Variants in WSCD2 observed in about 807,000 individuals in gnomAD.
WSCD2 encodes the protein WSC domain sialate O sulfotransferase 2.
Under a neutral mutation model 55.7 loss-of-function variants are expected in WSCD2, and 28 were observed. That is an observed-to-expected ratio of 0.50 (90% CI 0.37 to 0.69). The LOEUF (loss-of-function observed/expected upper bound fraction) is 0.69. Ranked by LOEUF, WSCD2 falls within the 30% of genes least tolerant of loss-of-function variation. WSCD2 has a pLI of 0.00. For missense variants in WSCD2, 616 were observed against 762.1 expected, an observed-to-expected ratio of 0.81 and a Z score of 2.26; for synonymous variants, 301 against 301.9, an observed-to-expected ratio of 1.00 and a Z score of 0.03.
chr12:108,155,995 C>T (rs1418274171), intron 1 of WSCD2, among the ~76,000 whole-genome samples: 1 of 152,194 alleles, frequency 6.6e-6, no homozygotes, highest in Non-Finnish European at 1.5e-5. Context: ...CACACACATA[C>T]CAACGAGCCA....
chr12:108,137,754 A>G (rs1876370651), intron 1 of WSCD2, among the ~76,000 whole-genome samples: 2 of 152,228 alleles, frequency 1.3e-5, no homozygotes, highest in Admixed American at 1.3e-4. Context: ...CATTGAATAC[A>G]GTATTTGATC....
intron 2 of WSCD2, among the ~76,000 whole-genome samples, chr12:108,199,175 G>A (rs1041934305): frequency 2.6e-5 from 4 of 152,190 alleles, no homozygotes; most frequent in Non-Finnish European, 4.4e-5. Context: ...AGAGTTTAGC[G>A]AGGAAAGACA....
intron 1 of WSCD2, among the ~76,000 whole-genome samples, chr12:108,190,434 G>A (rs939917343): frequency 6.6e-6 from 1 of 152,106 alleles, no homozygotes; most frequent in African/African-American, 2.4e-5. Flanking sequence ...TGCCCCCCAA[G>A]TCAGGTGCTG....
rs117434467 is a variant in WSCD2 at position 108,245,915 on chromosome 12, C to T, written c.1346-2076C>T. ...CAAACAGCTGTGATGTTCCAGGGGACTTGGTGGGGAAGGAGTCTTGCCACA... is the reference window on the plus strand; with the variant it reads ...CAAACAGCTGTGATGTTCCAGGGGATTTGGTGGGGAAGGAGTCTTGCCACA... On this transcript the variant is annotated intron_variant, in intron 8 of 8. Transcript: ENST00000547525. Among the ~76,000 whole-genome samples the T allele has an allele frequency of 2.4e-3, 371 of 152,320 alleles. 3 individuals carry two copies. In the East Asian group the frequency reaches 0.034, roughly 14 times the overall value.
At chr12:108,146,190 T>C (rs1438312456) in intron 1 of WSCD2, among the ~76,000 whole-genome samples, 1 of 152,254 alleles carries the variant, frequency 6.6e-6, no homozygotes, top group Non-Finnish European at 1.5e-5. Flanking sequence ...ATTGTGGTAA[T>C]GAAAAACATC....
At chr12:108,149,238 T>C (rs1476412557) in intron 1 of WSCD2, among the ~76,000 whole-genome samples, 1 of 152,204 alleles carries the variant, frequency 6.6e-6, no homozygotes, top group Admixed American at 6.5e-5. Flanking sequence ...GCAACAGATT[T>C]GCAGTCAAGC....
At chr12:108,242,728 T>C (rs1889850931) in intron 8 of WSCD2, among the ~76,000 whole-genome samples, 1 of 152,214 alleles carries the variant, frequency 6.6e-6, no homozygotes, top group Non-Finnish European at 1.5e-5. Flanking sequence ...CCCCTAGATA[T>C]TAAGCCCAGC....
At chr12:108,209,024 TG>T (rs1885788804) in intron 3 of WSCD2, among the ~76,000 whole-genome samples, 1 of 152,222 alleles carries the variant, frequency 6.6e-6, no homozygotes, top group Non-Finnish European at 1.5e-5. Context: ...GCCTCTTTTA[TG>T]GGTTTTCCTG....
intron 7 of WSCD2, 67 bp downstream of exon 7, chr12:108,232,962 G>T: frequency 6.4e-7 from 1 of 1,572,524 alleles, no homozygotes; most frequent in Admixed American, 1.7e-5. Flanking sequence ...CACTTGGAGG[G>T]TATGGGAATA....
intron 1 of WSCD2, among the ~76,000 whole-genome samples, chr12:108,136,153 G>C (rs750097353): frequency 2.6e-5 from 4 of 152,194 alleles, no homozygotes; most frequent in Admixed American, 1.3e-4. Context: ...TAACTCCAGA[G>C]ACTGTGAGCT....
At chr12:108,132,842 C>A (rs934147003) in intron 1 of WSCD2, among the ~76,000 whole-genome samples, 1 of 152,198 alleles carries the variant, frequency 6.6e-6, no homozygotes, top group Non-Finnish European at 1.5e-5. Context: ...GTGCTATGCA[C>A]TTACAGGCAT....
At chr12:108,246,931 T>C (rs117688435) in intron 8 of WSCD2, among the ~76,000 whole-genome samples, 2,122 of 152,244 alleles carry the variant, frequency 0.014, 26 homozygotes, top group Non-Finnish European at 0.025. Context: ...GAAGATGACC[T>C]GAAAACAGAA....
rs1270138917 is a variant in WSCD2, at chr12:108,200,248, T to C, written c.382+4034T>C. On this transcript the variant is annotated intron_variant, in intron 2 of 8. Coordinates refer to ENST00000547525, the MANE Select transcript of WSCD2 (RefSeq NM_014653.4). ...CTGAGGTGCTCTGTGTCAGGGACTA[T>C]TTGTCCATATTTTCCTTTCAGCTTC... 2.0e-5 allele frequency among the ~76,000 whole-genome samples: 3 copies of C among 152,200 alleles called. No homozygotes were observed. In the East Asian group the frequency reaches 5.8e-4, roughly 29 times the overall value.
At chr12:108,202,380 T>C (rs78559524) in intron 2 of WSCD2, among the ~76,000 whole-genome samples, 95 of 152,310 alleles carry the variant, frequency 6.2e-4, no homozygotes, top group Middle Eastern at 3.4e-3. Context: ...CTCTCCCTCC[T>C]GTTGACAGAT....
chr12:108,150,931 C>G (rs974373222), intron 1 of WSCD2, among the ~76,000 whole-genome samples: 2 of 152,046 alleles, frequency 1.3e-5, no homozygotes, highest in African/African-American at 4.8e-5. Flanking sequence ...ACCTCACAAC[C>G]CTTCCTCTGA....
In WSCD2 at chr12:108,248,346, C is replaced by T. The variant is rs375174623; in HGVS notation, c.*3C>T. ...CCGATGACTACTACCCAAGATGATG[C>T]GTCCACACAGGGGGAGGGTAGACTG... On this transcript the variant is annotated 3_prime_UTR_variant, in exon 9 of 9. Coordinates refer to ENST00000547525, the MANE Select transcript of WSCD2 (RefSeq NM_014653.4). The surrounding 1 kb of genome is among the most constrained non-coding windows in gnomAD (Gnocchi z 4.3). The T allele has an allele frequency of 1.9e-5, 31 of 1,606,168 alleles. No homozygotes were observed. The highest frequency in any genetic ancestry group is 1.7e-4 in the Middle Eastern group (1 of 6,052).
chr12:108,179,086 A>AGTTTTTTTTCCGGCCTCCTCTAATCAC (rs1881304000), intron 1 of WSCD2, among the ~76,000 whole-genome samples: 1 of 152,064 alleles, frequency 6.6e-6, no homozygotes, highest in Non-Finnish European at 1.5e-5. Flanking sequence ...TCAAACTCTG[A>AGTTTTTTTTCCGGCCTCCTCTAATCAC]GTTTTTTTTC....
At chr12:108,178,613 GC>G (rs1881217622) in intron 1 of WSCD2, among the ~76,000 whole-genome samples, 1 of 152,140 alleles carries the variant, frequency 6.6e-6, no homozygotes, top group South Asian at 2.1e-4. Context: ...TTACATGTAA[GC>G]TAAGGCCTAT....
chr12:108,213,817 T>G (rs1468026662), intron 4 of WSCD2, among the ~76,000 whole-genome samples: 3 of 152,216 alleles, frequency 2.0e-5, no homozygotes, highest in Non-Finnish European at 4.4e-5. Flanking sequence ...ACCCACTTGC[T>G]ACAGTGTTGT....
Sources: allele counts gnomAD v4.1 joint callset (sites outside exome capture counted in the v4.1 genomes callset), GRCh38; gene constraint gnomAD v4.1.1; non-coding constraint Gnocchi (gnomAD v3.1); transcripts MANE v1.5; gene names NCBI Gene and HGNC (gene_info 2026-07-23, HGNC 2026-07-21).